GATAD2B: variants seen among roughly 807,000 people sequenced by gnomAD.
The protein encoded by GATAD2B is transcriptional repressor p66-beta.
GATAD2B carries 8 observed loss-of-function variants against 64.3 expected under a neutral mutation model. The ratio of observed to expected loss-of-function variants is 0.12; its 90% confidence interval spans 0.07 to 0.22. The LOEUF is 0.22. GATAD2B is among the 10% of genes least tolerant of loss of function. The probability of loss-of-function intolerance (pLI) is 1.00; values close to 1 mark genes in which losing one functional copy is unlikely to be tolerated. For synonymous variants in GATAD2B, 281 were observed against 271.3 expected (o/e 1.04, Z -0.35); for missense variants, 453 against 752.0 (o/e 0.60, Z 4.65).
chr1:153,897,010 G>C (rs1382377581), intron 1 of GATAD2B, among the ~76,000 whole-genome samples: 2 of 151,160 alleles, frequency 1.3e-5, no homozygotes, highest in Non-Finnish European at 2.9e-5. Context: ...ATGGCTTTGG[G>C]AACTAAAATA....
At chr1:153,904,447 T>C (rs185627430) in intron 1 of GATAD2B, among the ~76,000 whole-genome samples, 2 of 152,276 alleles carry the variant, frequency 1.3e-5, no homozygotes, top group African/African-American at 4.8e-5. Flanking sequence ...TTTTTTAAAA[T>C]GTGAAAACAA....
At chr1:153,887,013 C>T (rs991072412) in intron 1 of GATAD2B, among the ~76,000 whole-genome samples, 2 of 152,140 alleles carry the variant, frequency 1.3e-5, no homozygotes, top group South Asian at 2.1e-4. Flanking sequence ...GTCCTGTCTG[C>T]TTTGAGTCGG....
chr1:153,909,611 C>A (rs981628235), intron 1 of GATAD2B, among the ~76,000 whole-genome samples: 6 of 151,596 alleles, frequency 4.0e-5, no homozygotes, highest in Non-Finnish European at 5.9e-5. Context: ...CCATCCTGGC[C>A]AACATGGTGA....
chr1:153,849,544 G>A (rs1189200318), intron 1 of GATAD2B, among the ~76,000 whole-genome samples: 1 of 152,202 alleles, frequency 6.6e-6, no homozygotes, highest in Non-Finnish European at 1.5e-5. Flanking sequence ...AACACTTGGA[G>A]TCATTCTTAG....
chr1:153,892,765 G>T (rs1677457690), intron 1 of GATAD2B, among the ~76,000 whole-genome samples: 1 of 146,300 alleles, frequency 6.8e-6, no homozygotes, highest in African/African-American at 2.6e-5. Flanking sequence ...TGCCATCTTG[G>T]CTTATTGCAA....
intron 1 of GATAD2B, among the ~76,000 whole-genome samples, chr1:153,839,108 C>CAAAAAAAAAAAAAAAAAAA (rs35262137): frequency 4.3e-4 from 34 of 78,564 alleles, no homozygotes; most frequent in African/African-American, 7.4e-4. Context: ...GACCCTGTCT[C>CAAAAAAAAAAAAAAAAAAA]AAAAAAAAAA....
rs563646987 is a variant in GATAD2B at position 153,817,482 on chromosome 1, G to A, written c.790C>T (p.Arg264Cys). Residue 264 changes from arginine to cysteine, a missense_variant, in exon 6 of 11, where the codon CGT (arginine) becomes TGT (cysteine). Physicochemically the swap from Arg to Cys is radical, Grantham distance 180 (BLOSUM62 -3). Transcript: ENST00000368655. ...TGGGCTGGGTTTGGTGCAATAACACGTTGAGACATCAACATGTGTGGAAGG... is the reference window on the plus strand; with the variant it reads ...TGGGCTGGGTTTGGTGCAATAACACATTGAGACATCAACATGTGTGGAAGG... The part of the protein sequence containing the change: ...TTLPHMLMSQ[R>C]VIAPNPAQLQ... The A allele has an allele frequency of 5.0e-6, 8 of 1,613,242 alleles. No individual in the cohort carries two copies. The highest frequency in any genetic ancestry group is 1.7e-5 in the Admixed American group (1 of 59,736).
intron 1 of GATAD2B, among the ~76,000 whole-genome samples, chr1:153,916,319 G>A (rs113607122): frequency 2.0e-5 from 3 of 151,006 alleles, no homozygotes; most frequent in African/African-American, 4.8e-5. Flanking sequence ...ACTATAAACA[G>A]ATGTGTAAGC....
chr1:153,862,871 T>G (rs924680431), intron 1 of GATAD2B, among the ~76,000 whole-genome samples: 1 of 151,058 alleles, frequency 6.6e-6, no homozygotes, highest in African/African-American at 2.4e-5. Flanking sequence ...ATTACAGGCA[T>G]GCGCCACCAT....
At chr1:153,868,473 T>G in intron 1 of GATAD2B, among the ~76,000 whole-genome samples, 1 of 148,708 alleles carries the variant, frequency 6.7e-6, no homozygotes, top group African/African-American at 2.5e-5. Context: ...GGGGTGGGGG[T>G]GGATGTGGTC....
At chr1:153,904,701 C>T (rs1677873619) in intron 1 of GATAD2B, among the ~76,000 whole-genome samples, 2 of 151,822 alleles carry the variant, frequency 1.3e-5, no homozygotes, top group African/African-American at 2.4e-5. Flanking sequence ...GCCACCAGGC[C>T]CAGCTAATTT....
In GATAD2B at chr1:153,900,490, A is replaced by G. The variant is rs543022444; in HGVS notation, c.-2+22243T>C. 2.0e-4 allele frequency among the ~76,000 whole-genome samples: 31 copies of G among 152,174 alleles called. 1 individual carries two copies. In the South Asian group the frequency reaches 6.5e-3, roughly 32 times the overall value. ...ATTAATCTGGGACCAGAATTCACCT[A>G]CATCACAGACTGGCAAGCTTATTTT... is the stretch of plus-strand genomic sequence containing the variant. On this transcript the variant is annotated intron_variant, in intron 1 of 10. Transcript: ENST00000368655.
At chr1:153,896,218 G>A (rs2101955180) in intron 1 of GATAD2B, among the ~76,000 whole-genome samples, 1 of 152,072 alleles carries the variant, frequency 6.6e-6, no homozygotes, top group East Asian at 1.9e-4. Flanking sequence ...TAGCATTAAA[G>A]AAAGCTGCAT....
At position 153,876,165 on chromosome 1, in the gene GATAD2B, C is replaced by T. The variant is rs549803267; in HGVS notation, c.-2+46568G>A. 6.8e-5 allele frequency among the ~76,000 whole-genome samples: 9 copies of T among 132,076 alleles called. No homozygotes were observed. The South Asian group carries it at 2.2e-3, about 33-fold the overall frequency. 86.6% of individuals were successfully genotyped at this position (132,076 alleles called of 152,430 possible). ...ATCGCTTGAACCCGGGAGGCGGAGA[C>T]TGCAGTGAGCTGAGATCGCGCCACT... On this transcript the variant is annotated intron_variant, in intron 1 of 10. Transcript: ENST00000368655.
At chr1:153,866,157 T>C (rs1557812457) in intron 1 of GATAD2B, among the ~76,000 whole-genome samples, 2 of 140,022 alleles carry the variant, frequency 1.4e-5, no homozygotes. Flanking sequence ...TGAGCTGAGA[T>C]GGTGCCACTG....
At chr1:153,920,818 G>A (rs756104532) in intron 1 of GATAD2B, among the ~76,000 whole-genome samples, 9 of 152,158 alleles carry the variant, frequency 5.9e-5, no homozygotes, top group Non-Finnish European at 1.2e-4. Context: ...CTTGTTCCAT[G>A]ATGACTATCA....
Position 153,816,748 on chromosome 1 carries a change from T to C in GATAD2B, c.901-160A>G, listed in dbSNP as rs1429106117. 2.6e-5 allele frequency among the ~76,000 whole-genome samples: 4 copies of C among 151,980 alleles called. No individual in the cohort carries two copies. The highest frequency in any genetic ancestry group is 4.4e-5 in the Non-Finnish European group (3 of 67,998). On this transcript the variant is annotated intron_variant, in intron 6 of 10. Transcript: ENST00000368655. This position sits in a 1 kb window ranked among gnomAD's most constrained non-coding sequence, Gnocchi z 4.9. The stretch of plus-strand genomic sequence containing the variant: ...TTTATTGAAAAAGAACTCTGACACA[T>C]AGGAAAGGAGAATGATGATGACCAT...
chr1:153,917,521 A>G (rs1678311041), intron 1 of GATAD2B, among the ~76,000 whole-genome samples: 1 of 151,828 alleles, frequency 6.6e-6, no homozygotes, highest in African/African-American at 2.4e-5. Flanking sequence ...CGGCCTCTCA[A>G]GTAGCTGGGA....
chr1:153,845,469 G>A lies in GATAD2B; in HGVS notation c.-1-17121C>T, dbSNP rs183869975. Reference sequence around the variant, plus strand: ...ATTAATTTAAAACATTAGGCTGGGCGTGGTGGTGGCTCACACCTATAATCC... The same window carrying A: ...ATTAATTTAAAACATTAGGCTGGGCATGGTGGTGGCTCACACCTATAATCC... On this transcript the variant is annotated intron_variant, in intron 1 of 10. Coordinates refer to ENST00000368655, the MANE Select transcript of GATAD2B (RefSeq NM_020699.4). Among the ~76,000 whole-genome samples the A allele has an allele frequency of 4.9e-4, 74 of 152,222 alleles. No individual in the cohort carries two copies. In the East Asian group the frequency reaches 0.01, roughly 21 times the overall value.
Sources: allele counts gnomAD v4.1 joint callset (sites outside exome capture counted in the v4.1 genomes callset), GRCh38; gene constraint gnomAD v4.1.1; non-coding constraint Gnocchi (gnomAD v3.1); transcripts MANE v1.5; gene names NCBI Gene and HGNC (gene_info 2026-07-23, HGNC 2026-07-21).